Variants in EXTL3 observed in about 807,000 individuals in gnomAD.
The protein encoded by EXTL3 is exostosin-like 3.
In EXTL3, 27 loss-of-function variants were observed where a neutral mutation model predicts 69.3. That is an observed-to-expected ratio of 0.39 (90% CI 0.29 to 0.54). The LOEUF is 0.54. EXTL3 is among the 20% of genes least tolerant of loss of function. The pLI is 0.69. For missense variants in EXTL3, 1,003 were observed against 1,231.8 expected, an observed-to-expected ratio of 0.81 and a Z score of 2.78; for synonymous variants, 511 against 499.4, an observed-to-expected ratio of 1.02 and a Z score of -0.31.
chr8:28,678,352 C>T (rs567742734), intron 1 of EXTL3, among the ~76,000 whole-genome samples: 1 of 152,276 alleles, frequency 6.6e-6, no homozygotes, highest in South Asian at 2.1e-4. Flanking sequence ...AAATTCGATT[C>T]CCAATGTTGG....
At chr8:28,730,187 T>G (rs1421438884) in intron 3 of EXTL3, 1 of 147,906 alleles carries the variant, frequency 6.8e-6, no homozygotes, top group Non-Finnish European at 1.5e-5. Context: ...ATTCATAAAT[T>G]TAAGTCCTCG....
chr8:28,746,155 A>G (rs1006945570), intron 6 of EXTL3, among the ~76,000 whole-genome samples: 6 of 152,164 alleles, frequency 3.9e-5, no homozygotes, highest in South Asian at 2.1e-4. Flanking sequence ...TTTACTGTCA[A>G]ACTATTCCTT....
chr8:28,612,231 A>G (rs1470799627), intron 2 of EXTL3, among the ~76,000 whole-genome samples: 2 of 152,200 alleles, frequency 1.3e-5, no homozygotes, highest in Non-Finnish European at 2.9e-5. Flanking sequence ...AGGCAGGCAG[A>G]TCACCTGAGG....
At position 28,664,373 on chromosome 8, in the gene EXTL3, CTTTG is replaced by C. The variant is rs36209329; in HGVS notation, c.-53+41588_-53+41591del. On this transcript the variant is annotated intron_variant, in intron 1 of 6. Coordinates refer to the EXTL3 transcript ENST00000523149. ...GCAGAGACAGAATCTTTCTTTCCAT[CTTTG>C]TTTGTTTGTTTGTTTGTTTGTTTGA... 3.7e-3 allele frequency among the ~76,000 whole-genome samples: 555 copies of C among 151,876 alleles called. 5 individuals are homozygous for C. The highest frequency in any genetic ancestry group is 0.011 in the African/African-American group (469 of 41,324).
intron 3 of EXTL3, among the ~76,000 whole-genome samples, chr8:28,720,635 C>T (rs1389352579): frequency 6.6e-6 from 1 of 152,168 alleles, no homozygotes. Flanking sequence ...TTGAAATGCT[C>T]TGTGTAAAGA....
At chr8:28,653,831 T>C (rs1670218393) in intron 1 of EXTL3, among the ~76,000 whole-genome samples, 1 of 152,186 alleles carries the variant, frequency 6.6e-6, no homozygotes, top group South Asian at 2.1e-4. Context: ...GCCCTCCAAC[T>C]TTGTTTTTCT....
intron 4 of EXTL3, among the ~76,000 whole-genome samples, chr8:28,731,669 C>A (rs1256594485): frequency 6.6e-6 from 1 of 152,096 alleles, no homozygotes; most frequent in Non-Finnish European, 1.5e-5. Context: ...ACCACATGGG[C>A]AGAGAGTAGA....
intron 1 of EXTL3, among the ~76,000 whole-genome samples, chr8:28,634,628 C>T (rs1280553007): frequency 1.3e-5 from 2 of 148,654 alleles, no homozygotes; most frequent in Non-Finnish European, 3.0e-5. Context: ...TGGAGTCTCA[C>T]TGTGTTGCCC....
At chr8:28,608,869 C>A (rs1461023319) in intron 2 of EXTL3, among the ~76,000 whole-genome samples, 2 of 152,070 alleles carry the variant, frequency 1.3e-5, no homozygotes, top group East Asian at 3.9e-4. Flanking sequence ...AAAACAAAAA[C>A]AAAAACAAAA....
chr8:28,747,070 T>C (rs1801903737), intron 6 of EXTL3, among the ~76,000 whole-genome samples: 2 of 152,142 alleles, frequency 1.3e-5, no homozygotes, highest in African/African-American at 4.8e-5. Context: ...TTGTGTCACA[T>C]GGAATAATGT....
chr8:28,670,445 A>T (rs751645093), intron 1 of EXTL3, among the ~76,000 whole-genome samples: 14 of 152,180 alleles, frequency 9.2e-5, no homozygotes, highest in Non-Finnish European at 2.1e-4. Context: ...CAGGATTTGC[A>T]GTTGGATGGC....
intron 1 of EXTL3, chr8:28,696,353 C>T (rs1043920141): frequency 3.3e-5 from 5 of 152,248 alleles, no homozygotes; most frequent in Non-Finnish European, 7.3e-5. Flanking sequence ...CAGATGGCCC[C>T]TTTTGTTCCC....
At chr8:28,622,331 G>C (rs1161133020), upstream of EXTL3, among the ~76,000 whole-genome samples, 1 of 152,256 alleles carries the variant, frequency 6.6e-6, no homozygotes, top group African/African-American at 2.4e-5. Context: ...TAGGCGCCCG[G>C]TGCCGTATAG....
rs56139010 is a variant in EXTL3 at position 28,713,450 on chromosome 8, A to T, written c.-569-7A>T. 64 of 648,472 alleles carry T rather than the reference A, an allele frequency of 9.9e-5. No homozygotes were observed. The highest frequency in any genetic ancestry group is 1.7e-4 in the East Asian group (6 of 36,118). 40.2% of individuals were successfully genotyped at this position (648,472 alleles called of 1,614,324 possible). Reference sequence around the variant, plus strand: ...ATTTTTGTTTTTTGTTTTTTTTTTTAAATCAGGAGAGCAAGCCCTGGAGGT... The same window carrying T: ...ATTTTTGTTTTTTGTTTTTTTTTTTTAATCAGGAGAGCAAGCCCTGGAGGT... On this transcript the variant is annotated splice_region_variant and splice_polypyrimidine_tract_variant and intron_variant, in intron 1 of 6. Coordinates refer to ENST00000220562, the MANE Select transcript of EXTL3 (RefSeq NM_001440.4).
At chr8:28,652,785 G>A (rs946932867) in intron 1 of EXTL3, among the ~76,000 whole-genome samples, 2 of 151,976 alleles carry the variant, frequency 1.3e-5, no homozygotes, top group Non-Finnish European at 2.9e-5. Context: ...ATCTTTTCCT[G>A]TGTTTATTGG....
In EXTL3 at chr8:28,656,665, A is replaced by G. The variant is rs190863823; in HGVS notation, c.-53+33855A>G. 4.2e-3 allele frequency among the ~76,000 whole-genome samples: 645 copies of G among 152,262 alleles called. 4 individuals carry two copies. The highest frequency in any genetic ancestry group is 0.014 in the African/African-American group (585 of 41,566). ...GTCTACTGTATTTTTTCAAGTATTCAGGGGCTTGATTTTGCATCTAATTTT... is the reference window on the plus strand; with the variant it reads ...GTCTACTGTATTTTTTCAAGTATTCGGGGGCTTGATTTTGCATCTAATTTT... On this transcript the variant is annotated intron_variant, in intron 1 of 6. Transcript: ENST00000523149.
rs184901987 is a variant in EXTL3, at chr8:28,650,170, G to A, written c.-53+27360G>A. Among the ~76,000 whole-genome samples the A allele has an allele frequency of 6.8e-4, 100 of 148,074 alleles. No homozygotes were observed. The Middle Eastern group carries it at 0.01, about 15-fold the overall frequency. ...GAGATTGCACCACTGCACTCCAGCCGGGGTGACAGAGTGAGACTCTGTCTC... is the reference window on the plus strand; with the variant it reads ...GAGATTGCACCACTGCACTCCAGCCAGGGTGACAGAGTGAGACTCTGTCTC... On this transcript the variant is annotated intron_variant, in intron 1 of 6. Transcript: ENST00000523149.
intron 1 of EXTL3, chr8:28,685,865 A>G (rs959136660): frequency 1.3e-5 from 2 of 148,946 alleles, no homozygotes; most frequent in Non-Finnish European, 3.0e-5. Context: ...TTTATTTTTT[A>G]TTTTTATTTT....
chr8:28,735,986 G>A (rs1801644758), intron 4 of EXTL3, among the ~76,000 whole-genome samples: 1 of 152,150 alleles, frequency 6.6e-6, no homozygotes, highest in East Asian at 1.9e-4. Context: ...AGGGGCTGCC[G>A]GGCTGTGGGA....
Sources: allele counts gnomAD v4.1 joint callset (sites outside exome capture counted in the v4.1 genomes callset), GRCh38; gene constraint gnomAD v4.1.1; transcripts MANE v1.5; gene names NCBI Gene and HGNC (gene_info 2026-07-23, HGNC 2026-07-21).